RAI14: variants seen among roughly 807,000 people sequenced by gnomAD.
RAI14 encodes the protein retinoic acid induced 14, also known as ankycorbin.
RAI14 carries 45 observed loss-of-function variants against 115.4 expected under a neutral mutation model. The observed-to-expected ratio is 0.39, with a 90% CI of 0.31 to 0.50. The LOEUF (loss-of-function observed/expected upper bound fraction) is 0.50. RAI14 is among the 20% of genes least tolerant of loss of function. RAI14 has a pLI of 0.85. For synonymous variants in RAI14, 371 were observed against 415.4 expected, an observed-to-expected ratio of 0.89 and a Z score of 1.30; for missense variants, 939 against 1,131.2, an observed-to-expected ratio of 0.83 and a Z score of 2.44.
chr5:34,669,870 G>A (rs865939243), intron 1 of RAI14, among the ~76,000 whole-genome samples: 13 of 152,248 alleles, frequency 8.5e-5, no homozygotes, highest in Middle Eastern at 3.4e-3. Flanking sequence ...CAGCCCAGGC[G>A]AACGTAAAAA....
Position 34,823,087 on chromosome 5 carries a change from C to T in RAI14, c.1245C>T (p.Val415=), listed in dbSNP as rs1295456583. The T allele has an allele frequency of 6.2e-7, 1 of 1,612,874 alleles. No individual in the cohort carries two copies. Among genetic ancestry groups the T allele is most frequent in the East Asian group, 2.2e-5 (1 of 44,868 alleles). ...CAGACTCCAAATCATCTCCATCTGT[C>T]TTAATACATTCTTTAGGTAAATCCA... ...SPPDSKSSPS[V]LIHSLGKSTT... The change falls in exon 15 of 18, where the codon GTC becomes GTT. Residue 415 remains valine (V), a synonymous_variant. Coordinates refer to ENST00000265109, the MANE Select transcript of RAI14 (RefSeq NM_015577.3). This position sits in a 1 kb window ranked among gnomAD's most constrained non-coding sequence, Gnocchi z 4.5.
At chr5:34,688,159 T>C in intron 2 of RAI14, 1 of 1,540,876 alleles carries the variant, frequency 6.5e-7, no homozygotes, top group African/African-American at 1.4e-5. Flanking sequence ...GTCATCCGAC[T>C]TCCGAGAAAC....
intron 15 of RAI14, 200 bp from the exon 16 acceptor site, chr5:34,826,130 C>T (rs1240865707): frequency 7.4e-6 from 3 of 405,972 alleles, no homozygotes; most frequent in Admixed American, 4.2e-5. Context: ...ATGGATGTAG[C>T]GGGCTTTGTT....
chr5:34,685,020 A>ACT (rs1554039918), intron 1 of RAI14: 1 of 150,830 alleles, frequency 6.6e-6, no homozygotes, highest in Non-Finnish European at 1.5e-5. Context: ...GTGTATTTTC[A>ACT]TTTTTTTTTA....
At chr5:34,801,812 T>G (rs1264441104) in intron 4 of RAI14, among the ~76,000 whole-genome samples, 3 of 152,122 alleles carry the variant, frequency 2.0e-5, no homozygotes, top group Non-Finnish European at 4.4e-5. Context: ...GGCTCACGCC[T>G]GTAATCCCTG....
intron 3 of RAI14, among the ~76,000 whole-genome samples, chr5:34,766,183 C>A (rs982464836): frequency 3.9e-5 from 6 of 152,120 alleles, no homozygotes; most frequent in Non-Finnish European, 8.8e-5. Flanking sequence ...GGCTGGGATC[C>A]CCTCACAGAG....
At chr5:34,756,167 G>C (rs1430132889) in intron 2 of RAI14, among the ~76,000 whole-genome samples, 1 of 152,226 alleles carries the variant, frequency 6.6e-6, no homozygotes, top group East Asian at 1.9e-4. Context: ...TTGGGAGGGT[G>C]ACTGAGACAT....
At chr5:34,670,563 T>C (rs1332622322) in intron 1 of RAI14, among the ~76,000 whole-genome samples, 1 of 152,220 alleles carries the variant, frequency 6.6e-6, no homozygotes, top group African/African-American at 2.4e-5. Flanking sequence ...TCACCCTGCC[T>C]TTAAGGAACT....
intron 2 of RAI14, among the ~76,000 whole-genome samples, chr5:34,753,038 T>C (rs1424410755): frequency 6.6e-6 from 1 of 151,944 alleles, no homozygotes; most frequent in African/African-American, 2.4e-5. Context: ...TTTTCTATTT[T>C]ATTTTTTTAA....
At chr5:34,676,668 C>A (rs1180483956) in intron 1 of RAI14, among the ~76,000 whole-genome samples, 1 of 152,136 alleles carries the variant, frequency 6.6e-6, no homozygotes, top group Non-Finnish European at 1.5e-5. Flanking sequence ...TAAGATCAAT[C>A]CTGGTTGATG....
In RAI14 at chr5:34,823,367, G is replaced by C; in HGVS notation, c.1525G>C (p.Gly509Arg). ...TAGTGTGCAGAAGCAGATGAAACTC[G>C]GTCTTGTCTCACCTGAAAGCATGGA... ...VLSVQKQMKL[G>R]LVSPESMDNY... is the part of the protein sequence containing the mutation. The change falls in exon 15 of 18, where the codon GGT becomes CGT. Residue 509 changes from glycine to arginine, a missense_variant. Physicochemically the swap from Gly to Arg is moderately radical, Grantham distance 125. Transcript: ENST00000265109. The surrounding 1 kb of genome is among the most constrained non-coding windows in gnomAD (Gnocchi z 4.5). The C allele has an allele frequency of 6.2e-7, 1 of 1,614,006 alleles. No individual in the cohort carries two copies. The highest frequency in any genetic ancestry group is 2.2e-5 in the East Asian group (1 of 44,880).
intron 3 of RAI14, among the ~76,000 whole-genome samples, chr5:34,758,375 A>G (rs1211051405): frequency 6.6e-6 from 1 of 152,226 alleles, no homozygotes; most frequent in Non-Finnish European, 1.5e-5. Context: ...TTTTTCTAAC[A>G]TGTCAAATGA....
intron 1 of RAI14, among the ~76,000 whole-genome samples, chr5:34,658,426 A>G (rs1425277160): frequency 6.6e-6 from 1 of 152,118 alleles, no homozygotes; most frequent in Admixed American, 6.5e-5. Flanking sequence ...AATAGAATGC[A>G]GTGGACAACT....
chr5:34,769,010 G>T (rs897141393), intron 3 of RAI14, among the ~76,000 whole-genome samples: 1 of 151,672 alleles, frequency 6.6e-6, no homozygotes, highest in African/African-American at 2.4e-5. Flanking sequence ...AAGGATGAGG[G>T]GTGGTTCCTC....
chr5:34,687,004 G>A (rs1373020473), intron 2 of RAI14, 49 bp downstream of exon 2: 2 of 1,606,218 alleles, frequency 1.2e-6, no homozygotes, highest in African/African-American at 1.3e-5. Context: ...TCTCCATGGA[G>A]CTGCAGAAAC....
At chr5:34,764,936 G>C (rs935951250) in intron 3 of RAI14, among the ~76,000 whole-genome samples, 4 of 152,182 alleles carry the variant, frequency 2.6e-5, no homozygotes, top group African/African-American at 9.6e-5. Flanking sequence ...CCTGGTGGGA[G>C]ATAAGTTGAA....
chr5:34,671,240 T>C (rs923249175), intron 1 of RAI14, among the ~76,000 whole-genome samples: 1 of 152,178 alleles, frequency 6.6e-6, no homozygotes, highest in African/African-American at 2.4e-5. Flanking sequence ...AGTGGTAAAC[T>C]AGCCCTTTCA....
chr5:34,697,624 G>T (rs1739429548), intron 2 of RAI14, among the ~76,000 whole-genome samples: 1 of 152,118 alleles, frequency 6.6e-6, no homozygotes, highest in African/African-American at 2.4e-5. Flanking sequence ...TAATCTTGAG[G>T]TTGCTTACAC....
chr5:34,713,146 GTAAC>G (rs1373874637), intron 2 of RAI14, among the ~76,000 whole-genome samples: 2 of 152,098 alleles, frequency 1.3e-5, no homozygotes, highest in Non-Finnish European at 2.9e-5. Flanking sequence ...TACCCAATAG[GTAAC>G]TTTTCAACCT....
Sources: gnomAD v4.1 joint callset for allele counts (sites outside exome capture counted in the v4.1 genomes callset) on GRCh38, gnomAD v4.1.1 for gene constraint, Gnocchi (gnomAD v3.1) non-coding constraint, MANE v1.5 for transcripts, NCBI Gene and HGNC (gene_info 2026-07-23, HGNC 2026-07-21) for gene names.